EHD1: variants seen among roughly 807,000 people sequenced by gnomAD.
EHD1 encodes EH domain containing 1, also known as EH domain-containing protein 1.
Under a neutral mutation model 39.0 loss-of-function variants are expected in EHD1, and 19 were observed. The ratio of observed to expected loss-of-function variants is 0.49; its 90% CI spans 0.34 to 0.72. EHD1 has a LOEUF of 0.72. Among genes scored for constraint, EHD1 ranks in the 30% least tolerant of loss-of-function variants. The probability of loss-of-function intolerance (pLI) is 0.01; values close to 1 mark genes in which losing one functional copy is unlikely to be tolerated. For missense variants in EHD1, 542 were observed against 751.5 expected, an observed-to-expected ratio of 0.72 and a Z score of 3.26; for synonymous variants, 323 against 331.2, an observed-to-expected ratio of 0.98 and a Z score of 0.27.
In EHD1 at chr11:64,854,620, C is replaced by T; in HGVS notation, c.1318G>A (p.Val440Met). ...TAGGTGGGCTTGTCCTTGCCCACCACCCACTCCACGTCGTCGATGCCCTCG... is the reference window on the plus strand; with the variant it reads ...TAGGTGGGCTTGTCCTTGCCCACCATCCACTCCACGTCGTCGATGCCCTCG... ...AGEGIDDVEWVVGKDKPTYDE... is the reference protein window; with the variant it reads ...AGEGIDDVEWMVGKDKPTYDE... The change falls in exon 5 of 5, where the codon GTG (valine) becomes ATG (methionine). Residue 440 changes from valine to methionine, a missense_variant. Val to Met is a conservative substitution (Grantham distance 21). Transcript: ENST00000320631. 6.2e-7 allele frequency: 1 copy of T among 1,614,066 alleles called. No homozygotes were observed. The highest frequency in any genetic ancestry group is 8.5e-7 in the Non-Finnish European group (1 of 1,179,978).
chr11:64,862,889 G>A (rs146406452), intron 2 of EHD1, among the ~76,000 whole-genome samples: 4 of 152,152 alleles, frequency 2.6e-5, no homozygotes. Context: ...CAAAACAAAA[G>A]AAATCCTCAC....
upstream of EHD1, chr11:64,879,536 A>T: frequency 6.5e-7 from 1 of 1,540,460 alleles, no homozygotes; most frequent in South Asian, 1.2e-5. Flanking sequence ...TTAAAAACCC[A>T]AATACTTCCA....
chr11:64,856,552 T>C (rs1303850954), intron 3 of EHD1: 1 of 152,210 alleles, frequency 6.6e-6, no homozygotes, highest in Admixed American at 6.5e-5. Flanking sequence ...CCTTGCCAAG[T>C]CGTGTCCAGC....
At chr11:64,879,556 C>T (rs559156303), upstream of EHD1, 129 of 1,547,558 alleles carry the variant, frequency 8.3e-5, 1 homozygote, top group African/African-American at 1.6e-3. Context: ...ACTTTCCTCT[C>T]GGGGTCACCA....
intron 2 of EHD1, among the ~76,000 whole-genome samples, chr11:64,873,342 C>G (rs1192710864): frequency 6.6e-6 from 1 of 152,230 alleles, no homozygotes; most frequent in Admixed American, 6.5e-5. Flanking sequence ...TTGGCTCTCT[C>G]TCAGTCCTGC....
Position 64,864,648 on chromosome 11 carries a change from C to T in EHD1, c.503-4312G>A, listed in dbSNP as rs1048726345. 1.2e-4 allele frequency among the ~76,000 whole-genome samples: 18 copies of T among 152,348 alleles called. No individual in the cohort carries two copies. In the South Asian group the frequency reaches 1.2e-3, roughly 11 times the overall value. On this transcript the variant is annotated intron_variant, in intron 2 of 4. Coordinates refer to ENST00000320631, the MANE Select transcript of EHD1 (RefSeq NM_006795.4). Reference sequence around the variant, plus strand: ...CGATGACTCAAGGACTGAGGTTCCTCGCTCAGCAAAAAGGGGGCCCAGCTT... The same window carrying T: ...CGATGACTCAAGGACTGAGGTTCCTTGCTCAGCAAAAAGGGGGCCCAGCTT...
At chr11:64,856,895 G>C (rs769672101) in intron 3 of EHD1, among the ~76,000 whole-genome samples, 18 of 152,200 alleles carry the variant, frequency 1.2e-4, no homozygotes, top group Non-Finnish European at 1.9e-4. Context: ...TCTCACAGAC[G>C]ACCAGGCAGG....
In EHD1 at chr11:64,878,068, G is replaced by A. The variant is rs1196925130; in HGVS notation, c.397C>T (p.Leu133Phe). The A allele has an allele frequency of 3.3e-6, 5 of 1,519,640 alleles. No individual in the cohort carries two copies. Among genetic ancestry groups the A allele is most frequent in the Non-Finnish European group, 4.4e-6 (5 of 1,137,738 alleles). 94.1% of individuals were successfully genotyped at this position (1,519,640 alleles called of 1,614,324 possible). ...GGAGTGATGGGTGGGTACCTGTTGA[G>A]GAAAGCGTTGCCAAACGCGTTGAGC... is the stretch of plus-strand genomic sequence containing the variant. ...RKLNAFGNAF[L>F]NRFMCAQLPN... is the part of the protein sequence containing the mutation. Residue 133 changes from leucine (L) to phenylalanine (F), a missense_variant, in exon 1 of 5, where the codon CTC becomes TTC. Physicochemically the swap from Leu to Phe is conservative, Grantham distance 22. Transcript: ENST00000320631.
chr11:64,866,129 G>A (rs962281776), intron 2 of EHD1, among the ~76,000 whole-genome samples: 4 of 152,078 alleles, frequency 2.6e-5, no homozygotes, highest in Non-Finnish European at 5.9e-5. Flanking sequence ...CAGTAGACTG[G>A]ATAAAGAAAA....
rs542671651 is a variant in EHD1, at chr11:64,859,696, C to T, written c.915+228G>A. On this transcript the variant is annotated intron_variant, in intron 3 of 4. Coordinates refer to ENST00000320631, the MANE Select transcript of EHD1 (RefSeq NM_006795.4). ...CTGAAAGTAGATGGGGTATAAACCA[C>T]AAACAGAACAGGTTTAGAGGGAGGC... is the stretch of plus-strand genomic sequence containing the variant. 2.0e-4 allele frequency: 120 copies of T among 601,832 alleles called. No individual in the cohort carries two copies. In the African/African-American group the frequency reaches 2.1e-3, roughly 11 times the overall value. 37.3% of individuals were successfully genotyped at this position (601,832 alleles called of 1,614,324 possible). A position where few individuals can be genotyped will look rare whatever the true frequency, so the allele number is the denominator to read the frequency against.
intron 1 of EHD1, among the ~76,000 whole-genome samples, chr11:64,877,294 C>T (rs1592756227): frequency 6.6e-6 from 1 of 152,152 alleles, no homozygotes; most frequent in South Asian, 2.1e-4. Context: ...ACTCTCCTCG[C>T]GTGCAGAGGC....
intron 2 of EHD1, 49 bp downstream of exon 2, chr11:64,874,372 A>C: frequency 6.6e-7 from 1 of 1,512,494 alleles, no homozygotes; most frequent in Non-Finnish European, 9.0e-7. Context: ...CTTAGAGAGA[A>C]GGATGTGTGA....
At chr11:64,854,923 G>T in intron 4 of EHD1, 66 bp from the exon 5 acceptor site, 1 of 1,555,640 alleles carries the variant, frequency 6.4e-7, no homozygotes, top group Non-Finnish European at 8.7e-7. Context: ...AGGCCAAGTG[G>T]TTCCAGTCAG....
intron 1 of EHD1, among the ~76,000 whole-genome samples, chr11:64,876,975 T>C (rs529487538): frequency 2.6e-5 from 4 of 152,346 alleles, no homozygotes; most frequent in Admixed American, 2.6e-4. Flanking sequence ...TAGGGCAAGC[T>C]GCCCTGCACA....
At chr11:64,855,627 G>T in intron 3 of EHD1, 141 bp from the exon 4 acceptor site, 1 of 1,251,638 alleles carries the variant, frequency 8.0e-7, no homozygotes, top group Non-Finnish European at 1.1e-6. Flanking sequence ...GCTCAAGGCC[G>T]CTACCACCAC....
At chr11:64,858,687 G>C (rs1311212482) in intron 3 of EHD1, among the ~76,000 whole-genome samples, 1 of 152,258 alleles carries the variant, frequency 6.6e-6, no homozygotes. Flanking sequence ...TCACGATAGG[G>C]TGCTATCCAA....
rs958863174 is a variant in EHD1 at position 64,868,257 on chromosome 11, G to A, written c.502+6164C>T. 6.6e-6 allele frequency among the ~76,000 whole-genome samples: 1 copy of A among 152,114 alleles called. No homozygotes were observed. Among genetic ancestry groups the A allele is most frequent in the African/African-American group, 2.4e-5 (1 of 41,400 alleles). ...GCTCTCCATCACACAGGTTTCCAAC[G>A]CGTGCTGGGCCTCGTTCCTGGGCTT... On this transcript the variant is annotated intron_variant, in intron 2 of 4. Coordinates refer to ENST00000320631, the MANE Select transcript of EHD1 (RefSeq NM_006795.4). This position sits in a 1 kb window ranked among gnomAD's most constrained non-coding sequence, Gnocchi z 4.2.
rs527949847 is a variant in EHD1, at chr11:64,860,641, C to T, written c.503-305G>A. ...GGCTGAAGCAGGAGAATCGCTTGAA[C>T]CCAGCAGGTGGAGGTTGTGGTGAGC... On this transcript the variant is annotated intron_variant, in intron 2 of 4. Transcript: ENST00000320631. 2.0e-5 allele frequency among the ~76,000 whole-genome samples: 3 copies of T among 150,840 alleles called. No individual in the cohort carries two copies. The South Asian group carries it at 6.3e-4, about 31-fold the overall frequency.
Position 64,853,983 on chromosome 11 carries a change from C to T in EHD1, c.*350G>A, listed in dbSNP as rs901696952. ...GCTGCCAAAAGGGCGACCTGGCTCCCCCACGGTCGCAGTCGCTGCACTGTC... is the reference window on the plus strand; with the variant it reads ...GCTGCCAAAAGGGCGACCTGGCTCCTCCACGGTCGCAGTCGCTGCACTGTC... On this transcript the variant is annotated 3_prime_UTR_variant, in exon 5 of 5. Coordinates refer to ENST00000320631, the MANE Select transcript of EHD1 (RefSeq NM_006795.4). 11 of 305,918 alleles carry T rather than the reference C, an allele frequency of 3.6e-5. No homozygotes were observed. The Admixed American group carries it at 4.5e-4, about 13-fold the overall frequency. 19.0% of individuals were successfully genotyped at this position (305,918 alleles called of 1,614,324 possible). A position where few individuals can be genotyped will look rare whatever the true frequency, so the allele number is the denominator to read the frequency against.
Sources: gnomAD v4.1 joint callset for allele counts (sites outside exome capture counted in the v4.1 genomes callset) on GRCh38, gnomAD v4.1.1 for gene constraint, Gnocchi (gnomAD v3.1) non-coding constraint, MANE v1.5 for transcripts, NCBI Gene and HGNC (gene_info 2026-07-23, HGNC 2026-07-21) for gene names.